Variants in ELFN2 observed in about 807,000 individuals in gnomAD.
ELFN2 encodes protein phosphatase 1 regulatory subunit 29.
Under a neutral mutation model 45.5 loss-of-function variants are expected in ELFN2, and 17 were observed. That is an observed-to-expected ratio of 0.37 (90% CI 0.26 to 0.56). The LOEUF is 0.56. Among genes scored for constraint, ELFN2 ranks in the 20% least tolerant of loss-of-function variants. ELFN2 has a pLI of 0.77. For missense variants in ELFN2, 922 were observed against 1,183.2 expected, an observed-to-expected ratio of 0.78 and a Z score of 3.24; for synonymous variants, 550 against 551.5, an observed-to-expected ratio of 1.00 and a Z score of 0.04.
downstream of ELFN2, among the ~76,000 whole-genome samples, chr22:37,365,125 G>A (rs982280488): frequency 5.9e-5 from 9 of 152,134 alleles, no homozygotes; most frequent in Admixed American, 2.0e-4. Flanking sequence ...CAGCCTCTGA[G>A]ACACTGGGCC....
At chr22:37,424,697 TTCACATTAAA>T (rs1276362550) in intron 1 of ELFN2, among the ~76,000 whole-genome samples, 1 of 151,748 alleles carries the variant, frequency 6.6e-6, no homozygotes, top group Non-Finnish European at 1.5e-5. Flanking sequence ...GGGGATGGAA[TTCACATTAAA>T]TCAACAGACA....
downstream of ELFN2, among the ~76,000 whole-genome samples, chr22:37,365,535 G>A (rs1328093303): frequency 1.3e-5 from 2 of 151,844 alleles, no homozygotes; most frequent in East Asian, 1.9e-4. Flanking sequence ...TGAAGTTTGA[G>A]TTACAGATAT....
downstream of ELFN2, among the ~76,000 whole-genome samples, chr22:37,363,866 A>G (rs1449530094): frequency 6.6e-6 from 1 of 152,222 alleles, no homozygotes; most frequent in African/African-American, 2.4e-5. Context: ...CCACAGGTGC[A>G]GGGTTGGGAA....
intron 1 of ELFN2, among the ~76,000 whole-genome samples, chr22:37,345,445 G>T (rs1930673777): frequency 6.6e-6 from 1 of 152,144 alleles, no homozygotes. Flanking sequence ...CCCTGCCAGG[G>T]AGTCAAACGC....
At chr22:37,410,415 T>C (rs983433134) in intron 2 of ELFN2, among the ~76,000 whole-genome samples, 1 of 152,164 alleles carries the variant, frequency 6.6e-6, no homozygotes, top group South Asian at 2.1e-4. Context: ...GGCTGCAGCC[T>C]GCCCACGAGT....
At position 37,351,482 on chromosome 22, in the gene ELFN2, G is replaced by T. The variant is rs1315494544; in HGVS notation, n.149-8779C>A. On this transcript the variant is annotated intron_variant and non_coding_transcript_variant, in intron 1 of 2. Coordinates refer to ENST00000452946, the Ensembl canonical transcript of ELFN2. The stretch of plus-strand genomic sequence containing the variant: ...GGGTGCTGGCATTGACTCCTCCAGT[G>T]GGGGCACCCTCCCACTGCTCTCATC... Among the ~76,000 whole-genome samples the T allele has an allele frequency of 4.0e-5, 6 of 149,968 alleles. 1 individual carries two copies. Among genetic ancestry groups the T allele is most frequent in the Non-Finnish European group, 9.0e-5 (6 of 66,794 alleles).
intron 1 of ELFN2, among the ~76,000 whole-genome samples, chr22:37,424,419 G>A (rs945782125): frequency 2.6e-5 from 4 of 152,234 alleles, no homozygotes; most frequent in African/African-American, 7.2e-5. Flanking sequence ...CCCTAGACAC[G>A]CCCCACTGGA....
At chr22:37,419,552 T>C (rs927362994) in intron 1 of ELFN2, among the ~76,000 whole-genome samples, 1 of 151,874 alleles carries the variant, frequency 6.6e-6, no homozygotes, top group Non-Finnish European at 1.5e-5. Context: ...CCAAAATGCA[T>C]GCGGCCACTG....
chr22:37,376,942 C>T (rs1226955456), intron 2 of ELFN2, among the ~76,000 whole-genome samples: 1 of 152,220 alleles, frequency 6.6e-6, no homozygotes, highest in African/African-American at 2.4e-5. Flanking sequence ...CAGCCTAGAC[C>T]AGGATCAAGG....
rs73408392 is a variant in ELFN2 at position 37,346,563 on chromosome 22, A to G, written n.149-3860T>C. Among the ~76,000 whole-genome samples the G allele has an allele frequency of 6.6e-3, 1,008 of 152,304 alleles. 9 individuals carry two copies. The highest frequency in any genetic ancestry group is 0.023 in the African/African-American group (961 of 41,560). On this transcript the variant is annotated intron_variant and non_coding_transcript_variant, in intron 1 of 2. Transcript: ENST00000452946. Reference sequence around the variant, plus strand: ...GTTTGGAGATACAATTTGGTTTTTCATTTTGAAGAAATGATGGTGGAGGAA... The same window carrying G: ...GTTTGGAGATACAATTTGGTTTTTCGTTTTGAAGAAATGATGGTGGAGGAA...
chr22:37,398,157 G>A (rs1425489215), intron 2 of ELFN2, among the ~76,000 whole-genome samples: 2 of 152,112 alleles, frequency 1.3e-5, no homozygotes, highest in Non-Finnish European at 2.9e-5. Flanking sequence ...AGGGTCAAAC[G>A]CCTTACCCAG....
At chr22:37,388,838 T>C (rs528757820) in intron 2 of ELFN2, among the ~76,000 whole-genome samples, 1 of 152,328 alleles carries the variant, frequency 6.6e-6, no homozygotes, top group Non-Finnish European at 1.5e-5. Context: ...AACTCAGGTC[T>C]TGGAGAAAGC....
chr22:37,420,140 G>A (rs1932798319), intron 1 of ELFN2: 1 of 152,216 alleles, frequency 6.6e-6, no homozygotes, highest in Admixed American at 6.5e-5. Context: ...ACGGTGCGGA[G>A]GTGGGGAGCG....
chr22:37,393,888 C>T lies in ELFN2; in HGVS notation c.-462-17892G>A, dbSNP rs73166411. The stretch of plus-strand genomic sequence containing the variant: ...GGCGACACGGAACGGGTCCCCCATT[C>T]GCTGGCAGATGCCCCAATCCATCTC... On this transcript the variant is annotated intron_variant, in intron 2 of 2. Transcript: ENST00000402918. Among the ~76,000 whole-genome samples, 517 of 152,320 alleles carry T rather than the reference C, an allele frequency of 3.4e-3. 3 individuals carry two copies. The highest frequency in any genetic ancestry group is 0.017 in the Middle Eastern group (5 of 294).
chr22:37,386,906 T>C (rs916838121), intron 2 of ELFN2, among the ~76,000 whole-genome samples: 2 of 152,138 alleles, frequency 1.3e-5, no homozygotes, highest in South Asian at 4.1e-4. Context: ...CTGTCCTGGG[T>C]CTCGGTTTCC....
rs1269321804 is a variant in ELFN2 at position 37,415,918 on chromosome 22, G to C, written c.-463+1851C>G. Among the ~76,000 whole-genome samples, 3 of 152,184 alleles carry C rather than the reference G, an allele frequency of 2.0e-5. No individual in the cohort carries two copies. In the East Asian group the frequency reaches 5.8e-4, roughly 29 times the overall value. ...ACGGAGGTTGCAGTGAGCAGAGATA[G>C]TGCCACTGCACTCCAGCCTGGGTGA... is the stretch of plus-strand genomic sequence containing the variant. On this transcript the variant is annotated intron_variant, in intron 2 of 2. Transcript: ENST00000402918.
At chr22:37,402,380 T>C (rs1932385158) in intron 2 of ELFN2, among the ~76,000 whole-genome samples, 1 of 151,992 alleles carries the variant, frequency 6.6e-6, no homozygotes, top group South Asian at 2.1e-4. Flanking sequence ...ACCGCTGGAG[T>C]TTGCCACAGG....
chr22:37,399,709 G>A (rs766773886), intron 2 of ELFN2, among the ~76,000 whole-genome samples: 10 of 151,698 alleles, frequency 6.6e-5, no homozygotes, highest in East Asian at 3.9e-4. Context: ...AGCCCCCTGC[G>A]TCGCACACCT....
rs1391482827 is a variant in ELFN2 at position 37,373,425 on chromosome 22, G to C, written c.2110C>G (p.His704Asp). Residue 704 changes from histidine to aspartate, a missense_variant, in exon 3 of 3, where the codon CAC (histidine) becomes GAC (aspartate). Around this residue, in one of 2 missense-constraint regions of ELFN2, gnomAD observed 564 missense variants for 642.8 expected, o/e 0.88. Coordinates refer to ENST00000402918, the MANE Select transcript of ELFN2 (RefSeq NM_052906.5). The part of the protein sequence containing the change: ...IHHLEVKPAY[H>D]CSEHRHSFPA... ...AAGCTGTGCCGGTGCTCGCTGCAGTGGTAGGCCGGCTTCACCTCCAGGTGG... is the reference window on the plus strand; with the variant it reads ...AAGCTGTGCCGGTGCTCGCTGCAGTCGTAGGCCGGCTTCACCTCCAGGTGG... The C allele has an allele frequency of 3.8e-6, 6 of 1,565,462 alleles. No homozygotes were observed. Among genetic ancestry groups the C allele is most frequent in the Admixed American group, 3.8e-5 (2 of 52,800 alleles).
Sources: allele counts gnomAD v4.1 joint callset (sites outside exome capture counted in the v4.1 genomes callset), GRCh38; gene constraint gnomAD v4.1.1; regional missense constraint gnomAD v4.1.1; transcripts MANE v1.5; gene names NCBI Gene and HGNC (gene_info 2026-07-23, HGNC 2026-07-21).